The following EXD1 variants were observed in gnomAD, a reference collection of about 807,000 sequenced individuals.
EXD1 encodes the protein exonuclease 3'-5' domain containing 1, also known as piRNA biogenesis protein EXD1.
In EXD1, 63 loss-of-function variants were observed where a neutral mutation model predicts 49.1. That is an observed-to-expected ratio of 1.28 (90% CI 1.05 to 1.58). EXD1 has a LOEUF of 1.58. Among genes scored for constraint, EXD1 ranks in the 40% most tolerant of loss-of-function variants. EXD1 has a pLI of 0.00. For missense variants in EXD1, 748 were observed against 666.0 expected (o/e 1.12, Z -1.36); for synonymous variants, 234 against 239.2 (o/e 0.98, Z 0.20).
chr15:41,187,412 A>G (rs1182749637), intron 11 of EXD1, among the ~76,000 whole-genome samples: 1 of 152,184 alleles, frequency 6.6e-6, no homozygotes, highest in East Asian at 1.9e-4. Context: ...TCATATAATC[A>G]TCCATACATT....
At position 41,209,536 on chromosome 15, in the gene EXD1, T is replaced by G; in HGVS notation, c.499A>C (p.Asn167His). The G allele has an allele frequency of 6.2e-7, 1 of 1,614,180 alleles. No homozygotes were observed. The highest frequency in any genetic ancestry group is 1.3e-5 in the African/African-American group (1 of 75,056). ...CACAGTTTGCCATGGCGACATACAT[T>G]CGCTCCTTCTGCTGCCACACTCAGG... ...NVLSVAAEGA[N>H]VCRHGKLCWL... The change falls in exon 7 of 12, where the codon AAT becomes CAT. Residue 167 changes from asparagine (N) to histidine (H), a missense_variant. By Grantham distance (68) the Asn-to-His change is moderately conservative. Coordinates refer to ENST00000458580, the MANE Select transcript of EXD1 (RefSeq NM_001286441.2).
intron 4 of EXD1, 146 bp from the exon 5 acceptor site, chr15:41,216,941 C>T (rs2047008985): frequency 9.0e-6 from 12 of 1,326,602 alleles, no homozygotes; most frequent in Middle Eastern, 2.7e-4. Flanking sequence ...GACTTGAGGG[C>T]GCTATCTAAC....
intron 7 of EXD1, among the ~76,000 whole-genome samples, chr15:41,203,093 A>C (rs973271993): frequency 2.0e-5 from 3 of 152,182 alleles, no homozygotes; most frequent in Admixed American, 6.6e-5. Context: ...AAGTTAAGAC[A>C]TGCTGTGGGA....
chr15:41,194,757 G>C (rs2046584078), intron 9 of EXD1, among the ~76,000 whole-genome samples: 1 of 152,050 alleles, frequency 6.6e-6, no homozygotes, highest in Non-Finnish European at 1.5e-5. Context: ...TAGACAATAC[G>C]TATAAGATCT....
chr15:41,222,959 A>T (rs1201097031), intron 2 of EXD1, among the ~76,000 whole-genome samples: 17 of 129,192 alleles, frequency 1.3e-4, no homozygotes, highest in East Asian at 4.2e-4. Context: ...AAAAAAAAAA[A>T]TTTTTTTTAG....
At position 41,184,395 on chromosome 15, in the gene EXD1, T is replaced by A. The variant is rs143955302; in HGVS notation, c.1255A>T (p.Arg419Trp). The A allele has an allele frequency of 1.6e-5, 26 of 1,613,916 alleles. No individual in the cohort carries two copies. The Middle Eastern group carries it at 8.2e-4, about 51-fold the overall frequency. ...VKGFLFGKNF[R>W]IDKAPSFTSQ... ...GTAAAACTTGGAGCTTTATCTATCC[T>A]AAAATTTTTACCAAATAAGAAGCCT... The change falls in exon 12 of 12, where the codon AGG (arginine) becomes TGG (tryptophan). Residue 419 changes from arginine to tryptophan, a missense_variant. By Grantham distance (101) the Arg-to-Trp change is moderately radical (BLOSUM62 -3). Coordinates refer to ENST00000458580, the MANE Select transcript of EXD1 (RefSeq NM_001286441.2).
At chr15:41,222,113 A>G (rs537068198) in intron 2 of EXD1, among the ~76,000 whole-genome samples, 1 of 151,990 alleles carries the variant, frequency 6.6e-6, no homozygotes, top group Non-Finnish European at 1.5e-5. Flanking sequence ...AAAAAAAACA[A>G]AAAAAGAATT....
intron 7 of EXD1, among the ~76,000 whole-genome samples, chr15:41,205,044 C>A (rs1226970466): frequency 6.6e-6 from 1 of 152,210 alleles, no homozygotes; most frequent in African/African-American, 2.4e-5. Flanking sequence ...GCTGTCCATA[C>A]TTTGTTGAAC....
chr15:41,186,691 C>T (rs768755049), intron 11 of EXD1, among the ~76,000 whole-genome samples: 6 of 151,468 alleles, frequency 4.0e-5, no homozygotes, highest in Non-Finnish European at 8.8e-5. Context: ...TGCACATTTC[C>T]GTATAACCTA....
chr15:41,209,285 T>C (rs8032589), intron 7 of EXD1, among the ~76,000 whole-genome samples: 47,643 of 151,818 alleles, frequency 0.31, 10,170 homozygotes, highest in African/African-American at 0.61. Flanking sequence ...TGTGGTGACA[T>C]GCATCTGTAG....
chr15:41,190,370 A>G, intron 10 of EXD1: 5 of 417,860 alleles, frequency 1.2e-5, no homozygotes, highest in South Asian at 2.2e-5. Context: ...CTACTCAAGA[A>G]GCTGAGGCAG....
chr15:41,191,578 T>G lies in EXD1; in HGVS notation c.728A>C (p.Asp243Ala). The G allele has an allele frequency of 6.2e-7, 1 of 1,613,934 alleles. No individual in the cohort carries two copies. The highest frequency in any genetic ancestry group is 8.5e-7 in the Non-Finnish European group (1 of 1,179,932). ...LNNVFDTQVA[D>A]VLQFSMETGG... The stretch of plus-strand genomic sequence containing the variant: ...CGTTTCCATGGAAAACTGAAGTACA[T>G]CTGCTACCTGTGGTATTTTAAAAAG... Residue 243 changes from aspartate to alanine, a missense_variant, in exon 10 of 12, where the codon GAT becomes GCT. Transcript: ENST00000458580.
intron 6 of EXD1, among the ~76,000 whole-genome samples, chr15:41,211,204 G>A (rs890186092): frequency 2.0e-5 from 3 of 151,744 alleles, no homozygotes; most frequent in African/African-American, 7.3e-5. Context: ...TTCGACCTCC[G>A]GGGCTTAGCT....
chr15:41,226,460 A>G lies in EXD1; in HGVS notation c.116T>C (p.Ile39Thr). The G allele has an allele frequency of 6.5e-7, 1 of 1,536,042 alleles. No individual in the cohort carries two copies. The part of the protein sequence containing the change: ...GVLQHVDPNK[I>T]VVLKKVKNVE... ...AACAAGACCTTTCTTCAGGACAACA[A>G]TCTTATTAGGGTCAACATGCTGAAG... The change falls in exon 2 of 12, where the codon ATT (isoleucine) becomes ACT (threonine). Residue 39 changes from isoleucine to threonine, a missense_variant. Coordinates refer to ENST00000458580, the MANE Select transcript of EXD1 (RefSeq NM_001286441.2).
chr15:41,219,833 T>A lies in EXD1; in HGVS notation c.199A>T (p.Asn67Tyr). 6.5e-7 allele frequency: 1 copy of A among 1,535,462 alleles called. No individual in the cohort carries two copies. Among genetic ancestry groups the A allele is most frequent in the African/African-American group, 1.4e-5 (1 of 73,122 alleles). The change falls in exon 3 of 12, where the codon AAT (asparagine) becomes TAT (tyrosine). Residue 67 changes from asparagine (N) to tyrosine (Y), a missense_variant. Coordinates refer to ENST00000458580, the MANE Select transcript of EXD1 (RefSeq NM_001286441.2). The part of the protein sequence containing the change: ...VKLFFGHEIV[N>Y]VELLDEVEQG... ...TCAAGGAACATGGGGGTCTCACCAT[T>A]CACAATCTCATGCCCAAAAAACAAC... is the stretch of plus-strand genomic sequence containing the variant.
At chr15:41,195,686 A>C (rs2046597825) in intron 9 of EXD1, 89 bp downstream of exon 9, 2 of 956,428 alleles carry the variant, frequency 2.1e-6, no homozygotes, top group Non-Finnish European at 2.9e-6. Flanking sequence ...AAAATTAAAA[A>C]GACTTTCACT....
chr15:41,205,644 G>A (rs886833847), intron 7 of EXD1, among the ~76,000 whole-genome samples: 6 of 150,658 alleles, frequency 4.0e-5, no homozygotes, highest in African/African-American at 9.8e-5. Flanking sequence ...CTATCACGGT[G>A]GGATGTGCCT....
intron 6 of EXD1, among the ~76,000 whole-genome samples, chr15:41,212,233 A>G (rs2046931365): frequency 6.6e-6 from 1 of 151,880 alleles, no homozygotes; most frequent in African/African-American, 2.4e-5. Context: ...GCAGATCACG[A>G]GGTAAGGAGA....
intron 11 of EXD1, among the ~76,000 whole-genome samples, chr15:41,187,341 T>C (rs1240100124): frequency 6.6e-6 from 1 of 150,800 alleles, no homozygotes; most frequent in African/African-American, 2.4e-5. Flanking sequence ...CCACCCACCT[T>C]GGCCTCCCAA....
Sources: gnomAD v4.1 joint callset for allele counts (sites outside exome capture counted in the v4.1 genomes callset) on GRCh38, gnomAD v4.1.1 for gene constraint, MANE v1.5 for transcripts, NCBI Gene and HGNC (gene_info 2026-07-23, HGNC 2026-07-21) for gene names.